The following SLC24A2 variants were observed in gnomAD, a reference collection of about 807,000 sequenced individuals.
SLC24A2 encodes the protein sodium/potassium/calcium exchanger 2.
SLC24A2 carries 36 observed loss-of-function variants against 62.0 expected under a neutral mutation model. That is an observed-to-expected ratio of 0.58 (90% CI 0.44 to 0.77). The LOEUF is 0.77. Among genes scored for constraint, SLC24A2 ranks in the 30% least tolerant of loss-of-function variants. SLC24A2 has a pLI of 0.00. For missense variants in SLC24A2, 846 were observed against 817.9 expected, an observed-to-expected ratio of 1.03 and a Z score of -0.42; for synonymous variants, 358 against 294.0, an observed-to-expected ratio of 1.22 and a Z score of -2.23.
At chr9:19,988,000 T>C in the SLC24A2 span, among the ~76,000 whole-genome samples, 1 of 152,204 alleles carries the variant, frequency 6.6e-6, no homozygotes, top group Non-Finnish European at 1.5e-5. Flanking sequence ...AAAAGTATGC[T>C]AAAGGCATTC....
At chr9:19,737,485 T>C (rs1821543711) in intron 2 of SLC24A2, among the ~76,000 whole-genome samples, 1 of 152,142 alleles carries the variant, frequency 6.6e-6, no homozygotes, top group Non-Finnish European at 1.5e-5. Flanking sequence ...ACAAAGTATT[T>C]CCCATGCCTT....
At chr9:19,606,991 G>A (rs1401084591) in intron 4 of SLC24A2, among the ~76,000 whole-genome samples, 1 of 152,088 alleles carries the variant, frequency 6.6e-6, no homozygotes, top group Non-Finnish European at 1.5e-5. Context: ...ACTAGAAAAT[G>A]TGTTCCCTAG....
chr9:19,981,182 A>G, the SLC24A2 span, among the ~76,000 whole-genome samples: 1 of 152,242 alleles, frequency 6.6e-6, no homozygotes, highest in South Asian at 2.1e-4. Context: ...TTAGAAAAAT[A>G]TGATGAGTGT....
chr9:20,088,152 C>A, the SLC24A2 span, among the ~76,000 whole-genome samples: 4 of 152,222 alleles, frequency 2.6e-5, no homozygotes, highest in Non-Finnish European at 5.9e-5. Context: ...GACCCCCATA[C>A]ATACTCCTAG....
At chr9:19,773,293 G>C (rs1822745148) in intron 2 of SLC24A2, among the ~76,000 whole-genome samples, 1 of 152,014 alleles carries the variant, frequency 6.6e-6, no homozygotes, top group African/African-American at 2.4e-5. Flanking sequence ...ATACAACTAG[G>C]GTGAATTCTA....
chr9:20,108,976 C>A, the SLC24A2 span, among the ~76,000 whole-genome samples: 1 of 152,094 alleles, frequency 6.6e-6, no homozygotes, highest in Non-Finnish European at 1.5e-5. Context: ...GATGATAATG[C>A]ATATTTTAAC....
the SLC24A2 span, among the ~76,000 whole-genome samples, chr9:20,228,731 G>A: frequency 3.9e-5 from 6 of 152,150 alleles, no homozygotes; most frequent in African/African-American, 1.4e-4. Flanking sequence ...GTGGCACCCA[G>A]TATCCAGCCT....
chr9:19,813,118 T>C, the SLC24A2 span, among the ~76,000 whole-genome samples: 1 of 152,148 alleles, frequency 6.6e-6, no homozygotes, highest in Admixed American at 6.6e-5. Flanking sequence ...TCAGAGTTTT[T>C]GGCCCAGGAT....
At chr9:20,220,308 G>C in the SLC24A2 span, among the ~76,000 whole-genome samples, 838 of 152,156 alleles carry the variant, frequency 5.5e-3, 17 homozygotes, top group East Asian at 0.046. Flanking sequence ...CATTAAAAGG[G>C]CTTGGTGGAA....
the SLC24A2 span, chr9:19,967,128 G>C: frequency 1.3e-5 from 2 of 152,094 alleles, no homozygotes; most frequent in Admixed American, 6.6e-5. Flanking sequence ...AATGGAATGA[G>C]AATATTTCTT....
the SLC24A2 span, among the ~76,000 whole-genome samples, chr9:20,093,260 C>G: frequency 6.6e-6 from 1 of 151,684 alleles, no homozygotes; most frequent in Non-Finnish European, 1.5e-5. Context: ...TTAGTACAGA[C>G]GGGGTTTCTC....
intron 2 of SLC24A2, among the ~76,000 whole-genome samples, chr9:19,639,067 C>G (rs991620812): frequency 2.0e-5 from 3 of 152,300 alleles, no homozygotes; most frequent in East Asian, 1.9e-4. Context: ...TCAATTTCTC[C>G]ATGGTCTTAT....
the SLC24A2 span, among the ~76,000 whole-genome samples, chr9:20,165,152 G>C: frequency 6.6e-6 from 1 of 151,516 alleles, no homozygotes; most frequent in Non-Finnish European, 1.5e-5. Context: ...AAAAAAGAAA[G>C]ATATGAAAAT....
intron 2 of SLC24A2, among the ~76,000 whole-genome samples, chr9:19,763,129 G>A (rs1002031364): frequency 6.6e-6 from 1 of 152,098 alleles, no homozygotes; most frequent in Non-Finnish European, 1.5e-5. Flanking sequence ...TCTATTATTG[G>A]TGTATAGGAA....
At chr9:19,848,208 T>C in the SLC24A2 span, among the ~76,000 whole-genome samples, 9 of 152,210 alleles carry the variant, frequency 5.9e-5, no homozygotes, top group East Asian at 3.8e-4. Context: ...CAACCAAAAA[T>C]AAGCATTGAT....
chr9:20,172,814 T>C, the SLC24A2 span, among the ~76,000 whole-genome samples: 4 of 152,054 alleles, frequency 2.6e-5, no homozygotes, highest in Non-Finnish European at 5.9e-5. Flanking sequence ...TTTCACAAGA[T>C]AGAGGAAGAG....
rs182558617 is a variant in SLC24A2, at chr9:19,649,480, G to T, written c.931-27181C>A. ...CCATATGTTCATGATAGGGGTGGGGGTAGGGGGTTGGTGAGAATACTATGT... is the reference window on the plus strand; with the variant it reads ...CCATATGTTCATGATAGGGGTGGGGTTAGGGGGTTGGTGAGAATACTATGT... On this transcript the variant is annotated intron_variant, in intron 2 of 10. Coordinates refer to ENST00000341998, the MANE Select transcript of SLC24A2 (RefSeq NM_020344.4). Among the ~76,000 whole-genome samples, 663 of 152,278 alleles carry T rather than the reference G, an allele frequency of 4.4e-3. 1 individual carries two copies. The highest frequency in any genetic ancestry group is 7.1e-3 in the Non-Finnish European group (481 of 68,014).
At chr9:19,534,296 T>G (rs578240001) in intron 8 of SLC24A2, among the ~76,000 whole-genome samples, 132 of 152,316 alleles carry the variant, frequency 8.7e-4, no homozygotes, top group Non-Finnish European at 1.7e-3. Context: ...TGGCCATGCC[T>G]GGTTTCCTTT....
At chr9:19,916,801 C>T in the SLC24A2 span, among the ~76,000 whole-genome samples, 1 of 151,724 alleles carries the variant, frequency 6.6e-6, no homozygotes, top group Admixed American at 6.6e-5. Context: ...AATAAACTTG[C>T]TTATATGTCT....
Sources: allele counts gnomAD v4.1 joint callset (sites outside exome capture counted in the v4.1 genomes callset), GRCh38; gene constraint gnomAD v4.1.1; transcripts MANE v1.5; gene names NCBI Gene and HGNC (gene_info 2026-07-23, HGNC 2026-07-21).